Variants in WDR12 observed in about 807,000 individuals in gnomAD.
WDR12 encodes ribosome biogenesis protein WDR12.
Under a neutral mutation model 64.3 loss-of-function variants are expected in WDR12, and 42 were observed. The observed-to-expected ratio is 0.65, with a 90% CI of 0.51 to 0.84. The LOEUF is 0.84. WDR12 is among the 40% of genes least tolerant of loss of function. The pLI is 0.00. For synonymous variants in WDR12, 158 were observed against 173.3 expected (o/e 0.91, Z 0.70); for missense variants, 469 against 494.6 (o/e 0.95, Z 0.49).
At chr2:202,899,335 C>T (rs1384677058) in intron 4 of WDR12, among the ~76,000 whole-genome samples, 196 bp downstream of exon 4, 1 of 152,174 alleles carries the variant, frequency 6.6e-6, no homozygotes, top group African/African-American at 2.4e-5. Context: ...TGAGCCACTG[C>T]ACCCAGCCAC....
chr2:202,894,729 T>C, intron 6 of WDR12, 103 bp from the exon 7 acceptor site: 1 of 934,694 alleles, frequency 1.1e-6, no homozygotes, highest in South Asian at 2.1e-5. Context: ...TCAAAGAACT[T>C]GTGTTCCACA....
intron 7 of WDR12, 44 bp from the exon 8 acceptor site, chr2:202,892,746 A>G: frequency 1.4e-6 from 2 of 1,386,750 alleles, no homozygotes; most frequent in Non-Finnish European, 1.0e-6. Context: ...AAACAGTATT[A>G]ATCGTGAACT....
intron 2 of WDR12, among the ~76,000 whole-genome samples, chr2:202,901,415 TC>T (rs1334135709): frequency 6.6e-6 from 1 of 152,198 alleles, no homozygotes; most frequent in African/African-American, 2.4e-5. Context: ...TGGGACATCA[TC>T]TATATTCCAC....
intron 2 of WDR12, among the ~76,000 whole-genome samples, chr2:202,906,857 A>G (rs1404245858): frequency 1.3e-5 from 2 of 152,170 alleles, no homozygotes; most frequent in African/African-American, 2.4e-5. Flanking sequence ...ATTATAGAAA[A>G]TTTCATACAT....
intron 8 of WDR12, among the ~76,000 whole-genome samples, chr2:202,888,422 C>A (rs1688090075): frequency 6.6e-6 from 1 of 151,938 alleles, no homozygotes; most frequent in African/African-American, 2.4e-5. Context: ...TAGTTATACA[C>A]CAAAAAGTGA....
chr2:202,911,290 A>G (rs1449898387), intron 1 of WDR12, 146 bp downstream of exon 1: 1 of 756,066 alleles, frequency 1.3e-6, no homozygotes, highest in Non-Finnish European at 2.3e-6. Flanking sequence ...ATTATATAGA[A>G]CCTACGAAGC....
At chr2:202,887,707 T>G (rs572876469) in intron 8 of WDR12, among the ~76,000 whole-genome samples, 97 of 149,848 alleles carry the variant, frequency 6.5e-4, no homozygotes, top group Admixed American at 1.2e-3. Flanking sequence ...GCTAACAAGG[T>G]GAAACCCCGT....
chr2:202,877,015 C>A lies in WDR12; in HGVS notation c.*3845G>T, dbSNP rs955949470. On this transcript the variant is annotated 3_prime_UTR_variant, in exon 13 of 13. Coordinates refer to ENST00000261015, the MANE Select transcript of WDR12 (RefSeq NM_018256.4). Reference sequence around the variant, plus strand: ...TTTGTTATATATAGTAAACTGTTACCTTTTTTTCAAAACTACGATACATCA... The same window carrying A: ...TTTGTTATATATAGTAAACTGTTACATTTTTTTCAAAACTACGATACATCA... 1 of 151,604 alleles carries A rather than the reference C, an allele frequency of 6.6e-6. No individual in the cohort carries two copies. Among genetic ancestry groups the A allele is most frequent in the Non-Finnish European group, 1.5e-5 (1 of 67,946 alleles). The allele number at this position is 151,604 out of a possible 1,614,324, so 9.4% of individuals were successfully genotyped here. A position where few individuals can be genotyped will look rare whatever the true frequency, so the allele number is the denominator to read the frequency against.
rs145387880 is a variant in WDR12, at chr2:202,885,515, G to C, written c.742-980C>G. ...ACACAAAAACCTTTGTGATCAGACA[G>C]ATATAGGTTTCAGCACCTTCACACA... On this transcript the variant is annotated intron_variant, in intron 8 of 12. Transcript: ENST00000261015. 2.8e-3 allele frequency among the ~76,000 whole-genome samples: 421 copies of C among 152,286 alleles called. 1 individual carries two copies. Among genetic ancestry groups the C allele is most frequent in the Non-Finnish European group, 4.6e-3 (310 of 68,022 alleles).
In WDR12 at chr2:202,877,111, T is replaced by C. The variant is rs1299055708; in HGVS notation, c.*3749A>G. The C allele has an allele frequency of 2.5e-5, 3 of 118,028 alleles. No individual in the cohort carries two copies. The highest frequency in any genetic ancestry group is 3.8e-5 in the Non-Finnish European group (2 of 52,054). The allele number at this position is 118,028 out of a possible 1,614,324, so 7.3% of individuals were successfully genotyped here. On this transcript the variant is annotated 3_prime_UTR_variant, in exon 13 of 13. Transcript: ENST00000261015. The stretch of plus-strand genomic sequence containing the variant: ...AATTCCCAGATGGTATATATATATA[T>C]ATATTTTTTTTTTTGCAGGGTTGCT...
chr2:202,882,628 C>T (rs1258122995), intron 12 of WDR12, 83 bp downstream of exon 12: 30 of 1,462,916 alleles, frequency 2.1e-5, no homozygotes, highest in African/African-American at 4.2e-5. Flanking sequence ...GCACCCGGCC[C>T]GAAACTAATA....
chr2:202,909,835 C>T (rs1320465311), intron 1 of WDR12, among the ~76,000 whole-genome samples: 3 of 151,560 alleles, frequency 2.0e-5, no homozygotes, highest in Non-Finnish European at 2.9e-5. Context: ...CACTATGTTC[C>T]CCAGGCTGGA....
At chr2:202,908,452 C>T (rs1274553193) in intron 1 of WDR12, among the ~76,000 whole-genome samples, 2 of 152,024 alleles carry the variant, frequency 1.3e-5, no homozygotes, top group African/African-American at 4.8e-5. Flanking sequence ...ACAGCAAGAC[C>T]CTGTCTCAAA....
At chr2:202,895,725 T>A (rs1688228427) in intron 6 of WDR12, among the ~76,000 whole-genome samples, 1 of 148,340 alleles carries the variant, frequency 6.7e-6, no homozygotes. Context: ...AGACAGGGTT[T>A]CTCCATGTGG....
Position 202,878,618 on chromosome 2 carries a change from C to G in WDR12, c.*2242G>C, listed in dbSNP as rs183296993. On this transcript the variant is annotated 3_prime_UTR_variant, in exon 13 of 13. Transcript: ENST00000261015. Reference sequence around the variant, plus strand: ...AAAGAATGTGGAACAAAACCTACATCAGCCCTGGACTGCCTCTGGTTTTCT... The same window carrying G: ...AAAGAATGTGGAACAAAACCTACATGAGCCCTGGACTGCCTCTGGTTTTCT... 41 of 152,338 alleles carry G rather than the reference C, an allele frequency of 2.7e-4. No individual in the cohort carries two copies. Among genetic ancestry groups the G allele is most frequent in the African/African-American group, 9.4e-4 (39 of 41,574 alleles). The allele number at this position is 152,338 out of a possible 1,614,324, so 9.4% of individuals were successfully genotyped here. A position where few individuals can be genotyped will look rare whatever the true frequency, so the allele number is the denominator to read the frequency against.
intron 3 of WDR12, 113 bp downstream of exon 3, chr2:202,900,912 T>A: frequency 2.6e-6 from 2 of 780,492 alleles, no homozygotes; most frequent in Non-Finnish European, 4.0e-6. Flanking sequence ...AGCCAATATA[T>A]TAAAAAGAAT....
chr2:202,892,269 A>C (rs1033902416), intron 8 of WDR12, among the ~76,000 whole-genome samples: 1 of 152,174 alleles, frequency 6.6e-6, no homozygotes, highest in Non-Finnish European at 1.5e-5. Flanking sequence ...CAGTGCATGA[A>C]ACAGATAATA....
rs1181925352 is a variant in WDR12, at chr2:202,878,332, T to C, written c.*2528A>G. 6.6e-6 allele frequency: 1 copy of C among 152,190 alleles called. No homozygotes were observed. Among genetic ancestry groups the C allele is most frequent in the East Asian group, 1.9e-4 (1 of 5,196 alleles). 9.4% of individuals were successfully genotyped at this position (152,190 alleles called of 1,614,324 possible). On this transcript the variant is annotated 3_prime_UTR_variant, in exon 13 of 13. Transcript: ENST00000261015. The stretch of plus-strand genomic sequence containing the variant: ...TAAATAACTGCCCTTAAGGATCATT[T>C]GAAGACCATCCAAAACAGGACTAGG...
At chr2:202,894,827 T>C (rs1390591099) in intron 6 of WDR12, 1 of 449,450 alleles carries the variant, frequency 2.2e-6, no homozygotes, top group Non-Finnish European at 4.0e-6. Context: ...GCCATGTCTT[T>C]TGAAGAAAGC....
Sources: gnomAD v4.1 joint callset for allele counts (sites outside exome capture counted in the v4.1 genomes callset) on GRCh38, gnomAD v4.1.1 for gene constraint, MANE v1.5 for transcripts, NCBI Gene and HGNC (gene_info 2026-07-23, HGNC 2026-07-21) for gene names.